Variants in ARHGAP31 observed in about 807,000 individuals in gnomAD.
The protein encoded by ARHGAP31 is Rho GTPase activating protein 31, also known as rho GTPase-activating protein 31.
Under a neutral mutation model 113.9 loss-of-function variants are expected in ARHGAP31, and 34 were observed. The ratio of observed to expected loss-of-function variants is 0.30; its 90% CI spans 0.23 to 0.40. The LOEUF (loss-of-function observed/expected upper bound fraction) is 0.40, where lower values mean the gene tolerates loss of function less well. Ranked by LOEUF, ARHGAP31 falls within the 10% of genes least tolerant of loss-of-function variation. The probability of loss-of-function intolerance (pLI) is 1.00; values close to 1 mark genes in which losing one functional copy is unlikely to be tolerated. For synonymous variants in ARHGAP31, 650 were observed against 684.8 expected (o/e 0.95, Z 0.79); for missense variants, 1,548 against 1,767.1 (o/e 0.88, Z 2.22).
At chr3:119,378,089 G>GA (rs2080364187) in intron 3 of ARHGAP31, among the ~76,000 whole-genome samples, 1 of 152,150 alleles carries the variant, frequency 6.6e-6, no homozygotes, top group Admixed American at 6.5e-5. Context: ...ACACTGATTT[G>GA]AAAAGAACAA....
At chr3:119,318,484 C>T (rs2079753877) in intron 1 of ARHGAP31, among the ~76,000 whole-genome samples, 1 of 152,164 alleles carries the variant, frequency 6.6e-6, no homozygotes, top group African/African-American at 2.4e-5. Context: ...TATAATTTTT[C>T]TACCCAGTAG....
intron 1 of ARHGAP31, among the ~76,000 whole-genome samples, chr3:119,297,696 A>G (rs865816884): frequency 1.1e-4 from 16 of 152,232 alleles, no homozygotes; most frequent in African/African-American, 2.9e-4. Context: ...TTGAGTGGGA[A>G]CTTTGGAGAG....
rs1184020209 is a variant in ARHGAP31, at chr3:119,414,537, A to T, written c.2608A>T (p.Ile870Phe). 2.1e-5 allele frequency: 34 copies of T among 1,614,052 alleles called. No homozygotes were observed. The highest frequency in any genetic ancestry group is 2.8e-5 in the Non-Finnish European group (33 of 1,180,036). The change falls in exon 12 of 12, where the codon ATC becomes TTC. Residue 870 changes from isoleucine to phenylalanine, a missense_variant. Coordinates refer to ENST00000264245, the MANE Select transcript of ARHGAP31 (RefSeq NM_020754.4). ...TCCAAGCCCAACCAGGGAGGTTGAG[A>T]TCGTCTCACAAGAAGAGGAGGATGT... The part of the protein sequence containing the change: ...GFPSPTREVE[I>F]VSQEEEDVTH...
Position 119,375,520 on chromosome 3 carries a change from A to G in ARHGAP31, c.349-5384A>G, listed in dbSNP as rs757217596. 2.0e-5 allele frequency among the ~76,000 whole-genome samples: 3 copies of G among 152,238 alleles called. No individual in the cohort carries two copies. In the South Asian group the frequency reaches 6.2e-4, roughly 31 times the overall value. ...CACTCGACATCCTTAATTTAACCAC[A>G]TCTGCAAAGACTCGTTTCCAAATAA... On this transcript the variant is annotated intron_variant, in intron 3 of 11. Coordinates refer to ENST00000264245, the MANE Select transcript of ARHGAP31 (RefSeq NM_020754.4).
At chr3:119,367,856 C>CAA (rs1398233400) in intron 2 of ARHGAP31, among the ~76,000 whole-genome samples, 8,456 of 110,146 alleles carry the variant, frequency 0.077, 364 homozygotes, top group Middle Eastern at 0.098. Context: ...GACTCCATCT[C>CAA]AAAAAAAAGA....
chr3:119,317,266 C>T (rs1007075442), intron 1 of ARHGAP31, among the ~76,000 whole-genome samples: 2 of 151,970 alleles, frequency 1.3e-5, no homozygotes, highest in African/African-American at 4.8e-5. Flanking sequence ...GCAAGCTCCG[C>T]CTCCTGGGTT....
chr3:119,390,061 C>T (rs1438236998), intron 6 of ARHGAP31, among the ~76,000 whole-genome samples: 1 of 151,836 alleles, frequency 6.6e-6, no homozygotes, highest in African/African-American at 2.4e-5. Flanking sequence ...GGGAGTGGTA[C>T]ACAAAATCAC....
chr3:119,379,883 A>G (rs2080380643), intron 3 of ARHGAP31, among the ~76,000 whole-genome samples: 1 of 152,230 alleles, frequency 6.6e-6, no homozygotes, highest in African/African-American at 2.4e-5. Context: ...GGCACTGCTC[A>G]GATGCTGGCA....
chr3:119,309,457 C>T lies in ARHGAP31; in HGVS notation c.100+14453C>T, dbSNP rs77526122. On this transcript the variant is annotated intron_variant, in intron 1 of 11. Transcript: ENST00000264245. ...GTCTCTGAAAACAGCCCTAGGAGGT[C>T]AGAGAAGAAAATAGAGGTTGGGTGC... is the stretch of plus-strand genomic sequence containing the variant. Among the ~76,000 whole-genome samples the T allele has an allele frequency of 9.9e-3, 1,508 of 152,138 alleles. 23 individuals carry two copies. Among genetic ancestry groups the T allele is most frequent in the African/African-American group, 0.035 (1,451 of 41,508 alleles).
rs1297891489 is a variant in ARHGAP31, at chr3:119,365,406, T to C, written c.191T>C (p.Ile64Thr). 6.2e-7 allele frequency: 1 copy of C among 1,613,820 alleles called. No homozygotes were observed. The highest frequency in any genetic ancestry group is 8.5e-7 in the Non-Finnish European group (1 of 1,179,796). The change falls in exon 2 of 12, where the codon ATA (isoleucine) becomes ACA (threonine). Residue 64 changes from isoleucine (I) to threonine (T), a missense_variant. Coordinates refer to ENST00000264245, the MANE Select transcript of ARHGAP31 (RefSeq NM_020754.4). ...CGGCTTTCAGGAGTCACCTCAAACA[T>C]ACAACGGCTAAGGTAAGCTAAAAGA... ...IYRLSGVTSN[I>T]QRLRQEFGSD... is the part of the protein sequence containing the mutation.
chr3:119,384,711 A>G (rs1300621250), intron 6 of ARHGAP31, among the ~76,000 whole-genome samples: 1 of 152,182 alleles, frequency 6.6e-6, no homozygotes, highest in Admixed American at 6.5e-5. Context: ...TAAAGGTCGC[A>G]CCTCACAACA....
At position 119,415,983 on chromosome 3, in the gene ARHGAP31, C is replaced by A; in HGVS notation, c.4054C>A (p.Pro1352Thr). 6.2e-7 allele frequency: 1 copy of A among 1,614,214 alleles called. No individual in the cohort carries two copies. The highest frequency in any genetic ancestry group is 8.5e-7 in the Non-Finnish European group (1 of 1,180,040). ...ACCTCAGAGCCTAATCTTATTCAGT[C>A]CTCCTTTCCCCATTATGGACCACCT... ...GRPQSLILFS[P>T]PFPIMDHLPP... Residue 1352 changes from proline (P) to threonine (T), a missense_variant, in exon 12 of 12, where the codon CCT (proline) becomes ACT (threonine). Transcript: ENST00000264245.
intron 11 of ARHGAP31, 92 bp downstream of exon 11, chr3:119,409,868 T>G: frequency 7.2e-7 from 1 of 1,388,720 alleles, no homozygotes; most frequent in Non-Finnish European, 9.6e-7. Flanking sequence ...AAAAAAATTT[T>G]TTTTTGAAAA....
intron 1 of ARHGAP31, among the ~76,000 whole-genome samples, chr3:119,309,384 A>C (rs1559962014): frequency 6.6e-6 from 1 of 152,118 alleles, no homozygotes; most frequent in African/African-American, 2.4e-5. Flanking sequence ...GCTCCCATCG[A>C]TTGAGAACTT....
chr3:119,331,640 T>G (rs1204341511), intron 1 of ARHGAP31, among the ~76,000 whole-genome samples: 1 of 152,200 alleles, frequency 6.6e-6, no homozygotes, highest in African/African-American at 2.4e-5. Flanking sequence ...CCAAGAGCCC[T>G]AAATTCACTA....
intron 1 of ARHGAP31, among the ~76,000 whole-genome samples, chr3:119,335,706 C>G (rs1309211515): frequency 6.6e-6 from 1 of 152,130 alleles, no homozygotes; most frequent in African/African-American, 2.4e-5. Context: ...GGTAAGATAG[C>G]CTTGGGGGCA....
intron 1 of ARHGAP31, among the ~76,000 whole-genome samples, chr3:119,361,406 G>A (rs2080205389): frequency 6.9e-6 from 1 of 145,380 alleles, no homozygotes; most frequent in Non-Finnish European, 1.5e-5. Flanking sequence ...GACAGAGTCA[G>A]AGTCTAGCTT....
intron 1 of ARHGAP31, among the ~76,000 whole-genome samples, chr3:119,315,516 G>A (rs1049530503): frequency 6.6e-6 from 1 of 152,196 alleles, no homozygotes; most frequent in African/African-American, 2.4e-5. Flanking sequence ...ATTCTGCAAA[G>A]GAAAAGACAA....
intron 1 of ARHGAP31, among the ~76,000 whole-genome samples, chr3:119,344,676 C>T (rs555761687): frequency 6.6e-6 from 1 of 152,246 alleles, no homozygotes; most frequent in South Asian, 2.1e-4. Context: ...GTTGCCCAGG[C>T]TGGAGTACAG....
Sources: gnomAD v4.1 joint callset for allele counts (sites outside exome capture counted in the v4.1 genomes callset) on GRCh38, gnomAD v4.1.1 for gene constraint, MANE v1.5 for transcripts, NCBI Gene and HGNC (gene_info 2026-07-23, HGNC 2026-07-21) for gene names.